Variants in COLQ observed in about 807,000 individuals in gnomAD.
COLQ encodes the protein collagen like tail subunit of asymmetric acetylcholinesterase.
COLQ carries 48 observed loss-of-function variants against 69.0 expected under a neutral mutation model. The observed-to-expected ratio is 0.70, with a 90% CI of 0.55 to 0.88. The LOEUF is 0.88. COLQ is among the 40% of genes least tolerant of loss of function. The pLI, the probability that COLQ is intolerant of heterozygous loss-of-function variation, is 0.00. For missense variants in COLQ, 618 were observed against 594.6 expected, an observed-to-expected ratio of 1.04 and a Z score of -0.41; for synonymous variants, 217 against 211.2, an observed-to-expected ratio of 1.03 and a Z score of -0.24.
chr3:15,517,928 G>C (rs2125191651), intron 1 of COLQ, among the ~76,000 whole-genome samples: 1 of 152,160 alleles, frequency 6.6e-6, no homozygotes. Context: ...AGGCTCTAGA[G>C]GTAGCTCTAG....
intron 6 of COLQ, 46 bp downstream of exon 6, chr3:15,477,080 C>G (rs764911038): frequency 6.5e-7 from 1 of 1,540,076 alleles, no homozygotes; most frequent in South Asian, 1.2e-5. Context: ...ATCTTCCCCC[C>G]TCTTGTTTTG....
chr3:15,506,139 T>C (rs750382259), intron 1 of COLQ, among the ~76,000 whole-genome samples: 6 of 152,206 alleles, frequency 3.9e-5, no homozygotes, highest in Non-Finnish European at 8.8e-5. Context: ...AGTTGAGCAC[T>C]AGCACTTATC....
At chr3:15,506,625 A>G (rs2125171462) in intron 1 of COLQ, 1 of 152,336 alleles carries the variant, frequency 6.6e-6, no homozygotes, top group East Asian at 1.9e-4. Flanking sequence ...TTTGTTTAAA[A>G]GACAGCATTT....
Position 15,454,725 on chromosome 3 carries a change from A to T in COLQ, c.1196-794T>A, listed in dbSNP as rs561747128. On this transcript the variant is annotated intron_variant, in intron 15 of 16. Transcript: ENST00000383788. The stretch of plus-strand genomic sequence containing the variant: ...GCCTGGAGTGCAGTGGTGCAATCGC[A>T]GTTCACTGCAGCCTTGAACCCCTGG... Among the ~76,000 whole-genome samples the T allele has an allele frequency of 1.4e-3, 204 of 145,980 alleles. 3 individuals are homozygous for T. Among genetic ancestry groups the T allele is most frequent in the Non-Finnish European group, 1.9e-4 (13 of 67,346 alleles).
At chr3:15,488,949 T>C (rs1041308238) in intron 2 of COLQ, among the ~76,000 whole-genome samples, 3 of 152,180 alleles carry the variant, frequency 2.0e-5, no homozygotes, top group East Asian at 3.9e-4. Flanking sequence ...AGACAGAGCG[T>C]TGGGAAAGAG....
intron 15 of COLQ, 69 bp from the exon 16 acceptor site, chr3:15,454,000 G>T (rs2061989354): frequency 1.8e-6 from 2 of 1,134,954 alleles, no homozygotes; most frequent in East Asian, 2.6e-5. Flanking sequence ...AGCTTGTAAG[G>T]ACCATGCGGC....
chr3:15,460,512 AC>A (rs2062096401), intron 12 of COLQ, among the ~76,000 whole-genome samples: 1 of 152,196 alleles, frequency 6.6e-6, no homozygotes, highest in African/African-American at 2.4e-5. Context: ...GGGGCTGGGA[AC>A]ACAGTTCACA....
chr3:15,477,410 G>C (rs2062399038), intron 5 of COLQ: 1 of 572,514 alleles, frequency 1.7e-6, no homozygotes, highest in Non-Finnish European at 3.1e-6. Flanking sequence ...AAGAAATGGA[G>C]GGTGGTGAGA....
At chr3:15,455,852 C>T in intron 15 of COLQ, 47 bp downstream of exon 15, 1 of 1,612,960 alleles carries the variant, frequency 6.2e-7, no homozygotes, top group Non-Finnish European at 8.5e-7. Flanking sequence ...GAGTCCCACC[C>T]CCCTGCTGTT....
At chr3:15,492,117 C>G (rs1031097408) in intron 1 of COLQ, among the ~76,000 whole-genome samples, 5 of 151,850 alleles carry the variant, frequency 3.3e-5, no homozygotes, top group African/African-American at 9.7e-5. Context: ...TATAAGTGGT[C>G]AGACATAACC....
chr3:15,504,611 C>T (rs912524155), intron 1 of COLQ, among the ~76,000 whole-genome samples: 1 of 152,192 alleles, frequency 6.6e-6, no homozygotes, highest in East Asian at 1.9e-4. Flanking sequence ...ATAATCCCAG[C>T]GCTTTGGGAG....
chr3:15,475,268 T>C (rs560244108), intron 7 of COLQ, 157 bp downstream of exon 7: 13 of 770,930 alleles, frequency 1.7e-5, no homozygotes, highest in Non-Finnish European at 2.8e-5. Flanking sequence ...TCCCAGGGCA[T>C]GATGTTCTCC....
intron 1 of COLQ, chr3:15,498,866 AGG>A: frequency 7.2e-7 from 1 of 1,379,496 alleles, no homozygotes; most frequent in Non-Finnish European, 9.4e-7. Flanking sequence ...AGCCCAGGGG[AGG>A]ATATGAGGTT....
chr3:15,474,754 G>A (rs1046755254), intron 8 of COLQ, among the ~76,000 whole-genome samples, 171 bp downstream of exon 8: 1 of 152,218 alleles, frequency 6.6e-6, no homozygotes, highest in African/African-American at 2.4e-5. Flanking sequence ...CCCTGCTTCA[G>A]GAGGTCCCTC....
At chr3:15,471,166 G>A (rs138983609) in intron 10 of COLQ, among the ~76,000 whole-genome samples, 102 of 152,306 alleles carry the variant, frequency 6.7e-4, no homozygotes, top group African/African-American at 2.3e-3. Context: ...CTCTTAGTAA[G>A]CATTGGTTTG....
chr3:15,488,823 T>A (rs949210416), intron 2 of COLQ, among the ~76,000 whole-genome samples: 1 of 152,228 alleles, frequency 6.6e-6, no homozygotes, highest in Non-Finnish European at 1.5e-5. Context: ...TCATACTACT[T>A]CTTTCGAAAT....
At chr3:15,500,944 A>C (rs949555723) in intron 1 of COLQ, among the ~76,000 whole-genome samples, 10 of 152,168 alleles carry the variant, frequency 6.6e-5, no homozygotes, top group African/African-American at 2.4e-4. Context: ...TGTACAATGA[A>C]AGCCTTGGAC....
chr3:15,474,251 C>T lies in COLQ; in HGVS notation c.577G>A (p.Asp193Asn). ...ACCTTTTCTCCTTTGGGACCCAGGT[C>T]ACCCTTTTCACCTCTGGATCCCTAG... ...GEKGSRGEKG[D>N]LGPKGEKGFP... is the part of the protein sequence containing the mutation. Residue 193 changes from aspartate (D) to asparagine (N), a missense_variant, in exon 9 of 17, where the codon GAC becomes AAC. Transcript: ENST00000383788. The T allele has an allele frequency of 6.2e-7, 1 of 1,614,010 alleles. No individual in the cohort carries two copies. The highest frequency in any genetic ancestry group is 8.5e-7 in the Non-Finnish European group (1 of 1,179,846).
chr3:15,507,614 C>G (rs1406385354), intron 1 of COLQ, among the ~76,000 whole-genome samples: 1 of 152,148 alleles, frequency 6.6e-6, no homozygotes, highest in African/African-American at 2.4e-5. Context: ...GCAACCACGC[C>G]CAACTAATTT....
Sources: allele counts gnomAD v4.1 joint callset (sites outside exome capture counted in the v4.1 genomes callset), GRCh38; gene constraint gnomAD v4.1.1; transcripts MANE v1.5; gene names NCBI Gene and HGNC (gene_info 2026-07-23, HGNC 2026-07-21).